The following LNX2 variants were observed in gnomAD, a reference collection of about 807,000 sequenced individuals.
LNX2 encodes the protein ligand of numb-protein X 2, also known as ligand of Numb protein X 2.
In LNX2, 35 loss-of-function variants were observed where a neutral mutation model predicts 66.2. The ratio of observed to expected loss-of-function variants is 0.53; its 90% CI spans 0.40 to 0.70. LNX2 has a LOEUF of 0.70. Among genes scored for constraint, LNX2 ranks in the 30% least tolerant of loss-of-function variants. The probability of loss-of-function intolerance (pLI) is 0.00; values close to 1 mark genes in which losing one functional copy is unlikely to be tolerated. For missense variants in LNX2, 791 were observed against 850.8 expected (o/e 0.93, Z 0.87); for synonymous variants, 337 against 315.6 (o/e 1.07, Z -0.72).
At chr13:27,617,686 T>A (rs1462902426) in intron 1 of LNX2, among the ~76,000 whole-genome samples, 1 of 152,216 alleles carries the variant, frequency 6.6e-6, no homozygotes. Context: ...ACCATACTCA[T>A]AAAGCCTTTC....
intron 4 of LNX2, 102 bp downstream of exon 4, chr13:27,567,538 T>C: frequency 5.8e-6 from 5 of 868,866 alleles, no homozygotes; most frequent in Admixed American, 4.6e-5. Flanking sequence ...GTAAAACTAA[T>C]CTATATATAA....
rs200705604 is a variant in LNX2 at position 27,569,066 on chromosome 13, A to G, written c.618T>C (p.Leu206=). ...CGCTCTCCTCAAAGGCAGGGTTGTC[A>G]AGGCCAGGCTCCTCACTCCATGTGG... ...SLSTWSEEPG[L]DNPAFEESAG... is the part of the protein sequence containing the mutation. Residue 206 remains leucine (L), a synonymous_variant, in exon 3 of 10, where the codon CTT becomes CTC. Transcript: ENST00000316334. 1.5e-4 allele frequency: 248 copies of G among 1,613,812 alleles called. No individual in the cohort carries two copies. Among genetic ancestry groups the G allele is most frequent in the Middle Eastern group, 5.0e-4 (3 of 6,060 alleles).
intron 2 of LNX2, among the ~76,000 whole-genome samples, chr13:27,570,530 G>A (rs1224609251): frequency 1.3e-5 from 2 of 152,106 alleles, no homozygotes; most frequent in African/African-American, 4.8e-5. Context: ...TTGTTAAGAA[G>A]GGGGACAAAT....
chr13:27,567,580 G>T, intron 4 of LNX2, 60 bp downstream of exon 4: 1 of 1,436,120 alleles, frequency 7.0e-7, no homozygotes, highest in Non-Finnish European at 9.8e-7. Flanking sequence ...ATTTTCTAAG[G>T]TTTAAGTGTT....
intron 1 of LNX2, among the ~76,000 whole-genome samples, chr13:27,582,224 G>C (rs561017283): frequency 5.3e-5 from 8 of 151,896 alleles, no homozygotes; most frequent in Non-Finnish European, 1.2e-4. Context: ...GTAGAGACAG[G>C]GTTTCCATGG....
chr13:27,610,966 G>GAACAT (rs1415842187), intron 1 of LNX2, among the ~76,000 whole-genome samples: 1 of 151,730 alleles, frequency 6.6e-6, no homozygotes, highest in East Asian at 1.9e-4. Context: ...GTGTTGGTGA[G>GAACAT]AACATAGAGC....
At chr13:27,604,736 T>C (rs753726868) in intron 1 of LNX2, among the ~76,000 whole-genome samples, 57 of 152,138 alleles carry the variant, frequency 3.7e-4, no homozygotes, top group Non-Finnish European at 6.8e-4. Flanking sequence ...AAGAAATCTA[T>C]GGCTCAAAGG....
At chr13:27,620,177 G>A (rs1218957) in intron 1 of LNX2, among the ~76,000 whole-genome samples, 198 bp downstream of exon 1, 1 of 150,650 alleles carries the variant, frequency 6.6e-6, no homozygotes, top group African/African-American at 2.4e-5. Flanking sequence ...ACCCACACCC[G>A]AGTCCACGCC....
At chr13:27,549,459 G>A (rs572283292) in intron 9 of LNX2, among the ~76,000 whole-genome samples, 6 of 152,256 alleles carry the variant, frequency 3.9e-5, no homozygotes, top group South Asian at 2.1e-4. Context: ...TACACTGAGC[G>A]AGGACTTTTG....
chr13:27,598,655 A>C (rs1470513824), intron 1 of LNX2, among the ~76,000 whole-genome samples: 1 of 152,182 alleles, frequency 6.6e-6, no homozygotes, highest in Non-Finnish European at 1.5e-5. Context: ...GTAAGGCCCA[A>C]GACCTAAAGC....
At chr13:27,568,488 G>C (rs552673544) in intron 3 of LNX2, among the ~76,000 whole-genome samples, 40 of 152,106 alleles carry the variant, frequency 2.6e-4, no homozygotes, top group Admixed American at 6.5e-4. Flanking sequence ...GAGATGCATG[G>C]TCTTGGAGTC....
rs1954942560 is a variant in LNX2, at chr13:27,546,646, C to A, written c.*1689G>T. ...ACAATAAACCCCAGCAATACAATTG[C>A]TAAGTTTCAAAATAAAGTGGTCATG... On this transcript the variant is annotated 3_prime_UTR_variant, in exon 10 of 10. Transcript: ENST00000316334. 2 of 152,090 alleles carry A rather than the reference C, an allele frequency of 1.3e-5. No homozygotes were observed. Among genetic ancestry groups the A allele is most frequent in the Admixed American group, 6.5e-5 (1 of 15,268 alleles). 9.4% of individuals were successfully genotyped at this position (152,090 alleles called of 1,614,324 possible).
Position 27,547,721 on chromosome 13 carries a change from T to C in LNX2, c.*614A>G, listed in dbSNP as rs185962506. ...AGTACAAAAAATTAGCTGGGCATGG[T>C]GGCACACGCCTGTAGTCCCAGCTAC... is the stretch of plus-strand genomic sequence containing the variant. On this transcript the variant is annotated 3_prime_UTR_variant, in exon 10 of 10. Coordinates refer to ENST00000316334, the MANE Select transcript of LNX2 (RefSeq NM_153371.4). 2.0e-5 allele frequency: 3 copies of C among 152,656 alleles called. No homozygotes were observed. In the East Asian group the frequency reaches 5.8e-4, roughly 29 times the overall value. The allele number at this position is 152,656 out of a possible 1,614,324, so 9.5% of individuals were successfully genotyped here. A position where few individuals can be genotyped will look rare whatever the true frequency, so the allele number is the denominator to read the frequency against.
In LNX2 at chr13:27,568,253, T is replaced by C. The variant is rs139479073; in HGVS notation, c.656-414A>G. 2.1e-3 allele frequency among the ~76,000 whole-genome samples: 317 copies of C among 152,266 alleles called. 1 individual carries two copies. The highest frequency in any genetic ancestry group is 3.3e-3 in the Admixed American group (50 of 15,292). Reference sequence around the variant, plus strand: ...TGAGAGAGTAGCCACATCAAGCTCGTAAGAAGAGGTGGGTCTTGAACGGAG... The same window carrying C: ...TGAGAGAGTAGCCACATCAAGCTCGCAAGAAGAGGTGGGTCTTGAACGGAG... On this transcript the variant is annotated intron_variant, in intron 3 of 9. Transcript: ENST00000316334.
chr13:27,620,556 T>G (rs1453318650), upstream of LNX2, among the ~76,000 whole-genome samples: 1 of 151,960 alleles, frequency 6.6e-6, no homozygotes, highest in African/African-American at 2.4e-5. Context: ...CGGCCAAGAC[T>G]TCACTTCTCA....
chr13:27,571,169 GAGT>G (rs1336645383), intron 2 of LNX2, among the ~76,000 whole-genome samples: 2 of 152,182 alleles, frequency 1.3e-5, no homozygotes, highest in Non-Finnish European at 1.5e-5. Context: ...GGACCAGCCT[GAGT>G]AGATGAAATT....
chr13:27,610,269 AT>A (rs1164230814), intron 1 of LNX2, among the ~76,000 whole-genome samples: 1 of 152,204 alleles, frequency 6.6e-6, no homozygotes, highest in African/African-American at 2.4e-5. Flanking sequence ...CTGTTTCCAA[AT>A]TGGTATCTTG....
intron 1 of LNX2, among the ~76,000 whole-genome samples, chr13:27,596,678 C>G (rs2138440011): frequency 6.6e-6 from 1 of 152,270 alleles, no homozygotes; most frequent in South Asian, 2.1e-4. Flanking sequence ...CAAATAAAAT[C>G]TTTCACAAAA....
At chr13:27,604,217 G>T (rs1411661920) in intron 1 of LNX2, among the ~76,000 whole-genome samples, 1 of 152,220 alleles carries the variant, frequency 6.6e-6, no homozygotes, top group Non-Finnish European at 1.5e-5. Context: ...CTGCACTCCA[G>T]CCTGGGCGAC....
Sources: allele counts gnomAD v4.1 joint callset (sites outside exome capture counted in the v4.1 genomes callset), GRCh38; gene constraint gnomAD v4.1.1; transcripts MANE v1.5; gene names NCBI Gene and HGNC (gene_info 2026-07-23, HGNC 2026-07-21).